The following KREMEN1 variants were observed in gnomAD, a reference collection of about 807,000 sequenced individuals.
KREMEN1 encodes the protein kringle containing transmembrane protein 1.
Under a neutral mutation model 46.5 loss-of-function variants are expected in KREMEN1, and 30 were observed. The observed-to-expected ratio is 0.65, with a 90% CI of 0.48 to 0.88. The LOEUF (loss-of-function observed/expected upper bound fraction) is 0.88, where lower values mean the gene tolerates loss of function less well. Among genes scored for constraint, KREMEN1 ranks in the 40% least tolerant of loss-of-function variants. The probability of loss-of-function intolerance (pLI) is 0.00; values close to 1 mark genes in which losing one functional copy is unlikely to be tolerated. For missense variants in KREMEN1, 533 were observed against 596.9 expected (o/e 0.89, Z 1.11); for synonymous variants, 214 against 230.6 (o/e 0.93, Z 0.65).
chr22:29,103,299 A>T (rs147996401), intron 3 of KREMEN1, among the ~76,000 whole-genome samples: 48 of 152,306 alleles, frequency 3.2e-4, no homozygotes, highest in Non-Finnish European at 5.7e-4. Context: ...ATGAATGTTT[A>T]GGGACAAAGC....
At position 29,138,617 on chromosome 22, in the gene KREMEN1, C is replaced by T. The variant is rs764343402; in HGVS notation, c.965-7C>T. ...CTGTCCCCAGTTAATTGCTTTTTCT[C>T]TTCCAGCCGTCAAGGAAGAACTGCC... is the stretch of plus-strand genomic sequence containing the variant. On this transcript the variant is annotated splice_polypyrimidine_tract_variant and splice_region_variant and intron_variant, in intron 6 of 8. Transcript: ENST00000400335. 6.2e-7 allele frequency: 1 copy of T among 1,613,982 alleles called. No individual in the cohort carries two copies. Among genetic ancestry groups the T allele is most frequent in the African/African-American group, 1.3e-5 (1 of 74,934 alleles).
At chr22:29,139,191 C>T (rs1359147999) in intron 7 of KREMEN1, among the ~76,000 whole-genome samples, 1 of 152,186 alleles carries the variant, frequency 6.6e-6, no homozygotes, top group Non-Finnish European at 1.5e-5. Context: ...AGGCACTGTT[C>T]TAGGTACTGG....
At chr22:29,140,442 C>T (rs1055595800) in intron 8 of KREMEN1, 76 bp downstream of exon 8, 3 of 1,069,452 alleles carry the variant, frequency 2.8e-6, no homozygotes, top group Non-Finnish European at 4.4e-6. Flanking sequence ...CTTCATTTGT[C>T]TGGTTACAAC....
At chr22:29,147,908 T>A (rs1386963304), downstream of KREMEN1, among the ~76,000 whole-genome samples, 1 of 152,228 alleles carries the variant, frequency 6.6e-6, no homozygotes, top group Non-Finnish European at 1.5e-5. Context: ...ACCTGTCAAA[T>A]GGAGACAGTT....
chr22:29,126,380 T>C (rs188770660), intron 5 of KREMEN1, among the ~76,000 whole-genome samples: 1 of 152,320 alleles, frequency 6.6e-6, no homozygotes, highest in Admixed American at 6.5e-5. Context: ...GGCTGTGCTC[T>C]CTCCAAAGTC....
chr22:29,116,682 A>C (rs372150352), intron 3 of KREMEN1, among the ~76,000 whole-genome samples: 16 of 152,364 alleles, frequency 1.1e-4, no homozygotes, highest in African/African-American at 3.8e-4. Flanking sequence ...ATAATGGAAT[A>C]AATGAGAGAA....
At chr22:29,074,489 A>T (rs1327496001) in intron 1 of KREMEN1, among the ~76,000 whole-genome samples, 1 of 152,232 alleles carries the variant, frequency 6.6e-6, no homozygotes. Context: ...CTTAACTTCC[A>T]CACGCAACCT....
At chr22:29,087,937 A>G (rs1234165932) in intron 1 of KREMEN1, among the ~76,000 whole-genome samples, 1 of 152,234 alleles carries the variant, frequency 6.6e-6, no homozygotes, top group Non-Finnish European at 1.5e-5. Flanking sequence ...AGCAGGTATT[A>G]TACAACCTGG....
At chr22:29,114,373 C>G (rs1039096436) in intron 3 of KREMEN1, among the ~76,000 whole-genome samples, 6 of 151,102 alleles carry the variant, frequency 4.0e-5, no homozygotes, top group African/African-American at 1.5e-4. Flanking sequence ...GTAACCCCAG[C>G]TACTCGGGAG....
rs1004716006 is a variant in KREMEN1 at position 29,140,256 on chromosome 22, G to A, written c.1124-26G>A. The A allele has an allele frequency of 5.6e-6, 9 of 1,596,786 alleles. No homozygotes were observed. In the African/African-American group the frequency reaches 9.4e-5, roughly 17 times the overall value. On this transcript the variant is annotated intron_variant, in intron 7 of 8. Transcript: ENST00000400335. Reference sequence around the variant, plus strand: ...CGAAAACCAACCATAAACAAGTCTGGTAAGCTCTGTCTTTTGCACTTGCAG... The same window carrying A: ...CGAAAACCAACCATAAACAAGTCTGATAAGCTCTGTCTTTTGCACTTGCAG...
chr22:29,099,843 C>T (rs1001932544), intron 3 of KREMEN1, among the ~76,000 whole-genome samples: 14 of 151,872 alleles, frequency 9.2e-5, no homozygotes, highest in Non-Finnish European at 5.9e-5. Flanking sequence ...CCACCACACC[C>T]GGCACCTGTA....
Position 29,146,478 on chromosome 22 carries a change from C to T in KREMEN1, c.*4366C>T, listed in dbSNP as rs972825648. 4.1e-6 allele frequency: 4 copies of T among 985,440 alleles called. No homozygotes were observed. Among genetic ancestry groups the T allele is most frequent in the African/African-American group, 3.5e-5 (2 of 57,216 alleles). The allele number at this position is 985,440 out of a possible 1,614,324, so 61.0% of individuals were successfully genotyped here. A position where few individuals can be genotyped will look rare whatever the true frequency, so the allele number is the denominator to read the frequency against. ...TTCAGAAAGGAAGGGTCTTTAGACA[C>T]AAAGACTGGAGGCCCTTCCCCGCCC... On this transcript the variant is annotated 3_prime_UTR_variant, in exon 9 of 9. Coordinates refer to ENST00000400335, the MANE Select transcript of KREMEN1 (RefSeq NM_001039570.3).
chr22:29,123,428 A>G (rs2038390983), intron 4 of KREMEN1, among the ~76,000 whole-genome samples: 1 of 152,218 alleles, frequency 6.6e-6, no homozygotes, highest in Non-Finnish European at 1.5e-5. Context: ...CCTGAACAGA[A>G]GATATACAGA....
At chr22:29,154,865 TAA>T (rs2038947512) in intron 9 of KREMEN1, 2 of 152,246 alleles carry the variant, frequency 1.3e-5, no homozygotes, top group African/African-American at 4.8e-5. Context: ...GTCCTGACTC[TAA>T]ACCTGGACAT....
At chr22:29,097,750 A>C (rs1040756323) in intron 2 of KREMEN1, among the ~76,000 whole-genome samples, 2 of 152,142 alleles carry the variant, frequency 1.3e-5, no homozygotes, top group Non-Finnish European at 2.9e-5. Context: ...CCAGAAAAGA[A>C]AAAAAGCTGA....
At chr22:29,156,146 G>C (rs1374736343) in intron 9 of KREMEN1, among the ~76,000 whole-genome samples, 1 of 152,172 alleles carries the variant, frequency 6.6e-6, no homozygotes, top group Non-Finnish European at 1.5e-5. Flanking sequence ...CAATGCCCTG[G>C]ACTAGACATC....
At chr22:29,150,466 C>T (rs572113288), downstream of KREMEN1, among the ~76,000 whole-genome samples, 3 of 152,244 alleles carry the variant, frequency 2.0e-5, no homozygotes, top group Non-Finnish European at 4.4e-5. Context: ...ACCAAACACT[C>T]GGAAACAGCC....
intron 3 of KREMEN1, among the ~76,000 whole-genome samples, chr22:29,112,068 T>A (rs2038162087): frequency 1.3e-5 from 2 of 152,174 alleles, no homozygotes; most frequent in Admixed American, 6.5e-5. Context: ...TGTGGCCACT[T>A]CATCTCCCTT....
At chr22:29,086,998 A>G (rs1012067845) in intron 1 of KREMEN1, among the ~76,000 whole-genome samples, 4 of 152,156 alleles carry the variant, frequency 2.6e-5, no homozygotes, top group African/African-American at 4.8e-5. Flanking sequence ...CCTGGGCTCA[A>G]GTGATCCTCT....
Sources: allele counts gnomAD v4.1 joint callset (sites outside exome capture counted in the v4.1 genomes callset), GRCh38; gene constraint gnomAD v4.1.1; transcripts MANE v1.5; gene names NCBI Gene and HGNC (gene_info 2026-07-23, HGNC 2026-07-21).